TMPRSS11D: variants seen among roughly 807,000 people sequenced by gnomAD.
TMPRSS11D encodes transmembrane protease serine 11D.
A neutral mutation model predicts 44.4 loss-of-function variants in TMPRSS11D; 32 were observed. The ratio of observed to expected loss-of-function variants is 0.72; its 90% CI spans 0.54 to 0.97. TMPRSS11D has a LOEUF of 0.97. TMPRSS11D is among the 50% of genes least tolerant of loss of function. The pLI is 0.00. For missense variants in TMPRSS11D, 446 were observed against 502.6 expected, an observed-to-expected ratio of 0.89 and a Z score of 1.08; for synonymous variants, 179 against 177.9, an observed-to-expected ratio of 1.01 and a Z score of -0.05.
Position 67,822,445 on chromosome 4 carries a change from A to G in TMPRSS11D, c.1149T>C (p.Ile383=), listed in dbSNP as rs776200005. The G allele has an allele frequency of 2.5e-6, 4 of 1,613,882 alleles. No individual in the cohort carries two copies. The highest frequency in any genetic ancestry group is 3.4e-6 in the Non-Finnish European group (4 of 1,179,890). Residue 383 remains isoleucine, a synonymous_variant, in exon 10 of 10, where the codon ATT becomes ATC. Transcript: ENST00000283916. ...GATCTCCCCAGCTTACTATCCCCAC[A>G]ATAAACCAAAGCCGCCGTGAGTCTT... ...VQEDSRRLWF[I]VGIVSWGDQC... is the part of the protein sequence containing the mutation.
chr4:67,866,084 C>A (rs1216475274), intron 1 of TMPRSS11D, among the ~76,000 whole-genome samples: 1 of 151,740 alleles, frequency 6.6e-6, no homozygotes, highest in African/African-American at 2.4e-5. Context: ...ATGAACACTA[C>A]ATAAAAATCC....
At chr4:67,854,296 C>G in intron 2 of TMPRSS11D, 110 bp from the exon 3 acceptor site, 1 of 559,728 alleles carries the variant, frequency 1.8e-6, no homozygotes, top group South Asian at 2.5e-5. Flanking sequence ...AATTTGCTTT[C>G]CTTGAAAGAA....
rs373169496 is a variant in TMPRSS11D, at chr4:67,821,680, T to C, written c.*657A>G. On this transcript the variant is annotated 3_prime_UTR_variant, in exon 10 of 10. Coordinates refer to ENST00000283916, the MANE Select transcript of TMPRSS11D (RefSeq NM_004262.3). Reference sequence around the variant, plus strand: ...ATATCTATAATTCTTTGGGTCTCAGTTGAGGAGTGAACTATTTTAGCTTTT... The same window carrying C: ...ATATCTATAATTCTTTGGGTCTCAGCTGAGGAGTGAACTATTTTAGCTTTT... The C allele has an allele frequency of 3.9e-5, 6 of 152,108 alleles. No individual in the cohort carries two copies. Among genetic ancestry groups the C allele is most frequent in the African/African-American group, 1.4e-4 (6 of 41,430 alleles). 9.4% of individuals were successfully genotyped at this position (152,108 alleles called of 1,614,324 possible).
chr4:67,830,402 A>T (rs1250943657), intron 7 of TMPRSS11D, among the ~76,000 whole-genome samples: 1 of 152,080 alleles, frequency 6.6e-6, no homozygotes, highest in Non-Finnish European at 1.5e-5. Context: ...TGGAGGGCTG[A>T]TTAACTTAAC....
At chr4:67,843,729 C>G (rs968307576) in intron 3 of TMPRSS11D, among the ~76,000 whole-genome samples, 5 of 152,082 alleles carry the variant, frequency 3.3e-5, no homozygotes, top group African/African-American at 9.7e-5. Flanking sequence ...CGAGACCATC[C>G]TGGCTAACAC....
chr4:67,829,363 C>T (rs940182439), intron 7 of TMPRSS11D, among the ~76,000 whole-genome samples: 2 of 150,930 alleles, frequency 1.3e-5, no homozygotes, highest in Admixed American at 1.3e-4. Flanking sequence ...TATCGAACTC[C>T]CCTCATATAT....
intron 2 of TMPRSS11D, among the ~76,000 whole-genome samples, chr4:67,857,296 TATATATATATATATATATATATATATAC>T (rs1190599345): frequency 1.9e-4 from 1 of 5,226 alleles, no homozygotes; most frequent in African/African-American, 2.2e-4. Context: ...TATATATATA[TATATATATATATATATATATATATATAC>T]ACACACACAC....
Position 67,833,240 on chromosome 4 carries a change from T to G in TMPRSS11D, c.656A>C (p.Asn219Thr). 6.4e-7 allele frequency: 1 copy of G among 1,561,978 alleles called. No individual in the cohort carries two copies. Among genetic ancestry groups the G allele is most frequent in the African/African-American group, 1.4e-5 (1 of 72,322 alleles). Residue 219 changes from asparagine (N) to threonine (T), a missense_variant, in exon 7 of 10, where the codon AAC (asparagine) becomes ACC (threonine). Physicochemically the swap from Asn to Thr is moderately conservative, Grantham distance 65 (BLOSUM62 0). Coordinates refer to ENST00000283916, the MANE Select transcript of TMPRSS11D (RefSeq NM_004262.3). ...AHHCGGSLIN[N>T]MWILTAAHCF... ...GTGAGCTGCTGTCAGGATCCACATG[T>G]TATTGATCAGGCTGCCTCCACAGTG...
intron 1 of TMPRSS11D, among the ~76,000 whole-genome samples, chr4:67,862,586 G>A (rs895392646): frequency 1.3e-5 from 2 of 152,090 alleles, no homozygotes; most frequent in African/African-American, 4.8e-5. Context: ...AATTGAACGT[G>A]TTATGGGTGC....
rs1717651213 is a variant in TMPRSS11D at position 67,821,882 on chromosome 4, A to G, written c.*455T>C. 1 of 154,044 alleles carries G rather than the reference A, an allele frequency of 6.5e-6. No individual in the cohort carries two copies. The highest frequency in any genetic ancestry group is 6.4e-5 in the Admixed American group (1 of 15,642). 9.5% of individuals were successfully genotyped at this position (154,044 alleles called of 1,614,324 possible). On this transcript the variant is annotated 3_prime_UTR_variant, in exon 10 of 10. Transcript: ENST00000283916. The stretch of plus-strand genomic sequence containing the variant: ...AAATACATATTATTTCTCTTGCCTC[A>G]TACTGTTCTTTTTGTCTTGAATATT...
At chr4:67,881,682 C>T (rs1560552884) in intron 1 of TMPRSS11D, among the ~76,000 whole-genome samples, 1 of 152,168 alleles carries the variant, frequency 6.6e-6, no homozygotes, top group African/African-American at 2.4e-5. Context: ...ACAGCGATGG[C>T]TCGTCCCCCC....
intron 1 of TMPRSS11D, among the ~76,000 whole-genome samples, chr4:67,861,977 A>T (rs1718799976): frequency 6.6e-6 from 1 of 152,172 alleles, no homozygotes; most frequent in Admixed American, 6.6e-5. Flanking sequence ...ATTTTCATTC[A>T]TAATGCAATG....
intron 1 of TMPRSS11D, among the ~76,000 whole-genome samples, chr4:67,883,106 G>C (rs1257915115): frequency 6.6e-6 from 1 of 151,808 alleles, no homozygotes; most frequent in Non-Finnish European, 1.5e-5. Flanking sequence ...CCAATGTTCA[G>C]GAGATTTAAA....
At chr4:67,825,142 C>A (rs945192984) in intron 9 of TMPRSS11D, among the ~76,000 whole-genome samples, 5 of 151,854 alleles carry the variant, frequency 3.3e-5, no homozygotes, top group African/African-American at 1.2e-4. Context: ...ACTCAAATTA[C>A]TAGGATTTTG....
chr4:67,843,266 T>A (rs1718277589), intron 3 of TMPRSS11D, among the ~76,000 whole-genome samples: 1 of 151,986 alleles, frequency 6.6e-6, no homozygotes, highest in Non-Finnish European at 1.5e-5. Flanking sequence ...TCCTGCAGCC[T>A]CACAGGAAAG....
intron 9 of TMPRSS11D, 107 bp downstream of exon 9, chr4:67,825,625 G>C (rs879774352): frequency 7.5e-6 from 9 of 1,195,920 alleles, no homozygotes; most frequent in Admixed American, 5.4e-5. Context: ...AGAGGAACAG[G>C]GCTGTGTATT....
chr4:67,825,065 T>A (rs1015826253), intron 9 of TMPRSS11D, among the ~76,000 whole-genome samples: 1 of 152,112 alleles, frequency 6.6e-6, no homozygotes, highest in Non-Finnish European at 1.5e-5. Flanking sequence ...ATGGGCTAGA[T>A]CCAAATATAA....
intron 2 of TMPRSS11D, among the ~76,000 whole-genome samples, chr4:67,858,635 A>G (rs1718716358): frequency 6.6e-6 from 1 of 152,092 alleles, no homozygotes; most frequent in South Asian, 2.1e-4. Flanking sequence ...TATAAGTTAT[A>G]TTCTTTCTCT....
intron 3 of TMPRSS11D, among the ~76,000 whole-genome samples, chr4:67,848,141 G>T (rs1301318065): frequency 6.6e-6 from 1 of 152,134 alleles, no homozygotes; most frequent in Non-Finnish European, 1.5e-5. Flanking sequence ...TTATGGAAAT[G>T]CCATTCAATA....
Sources: allele counts gnomAD v4.1 joint callset (sites outside exome capture counted in the v4.1 genomes callset), GRCh38; gene constraint gnomAD v4.1.1; transcripts MANE v1.5; gene names NCBI Gene and HGNC (gene_info 2026-07-23, HGNC 2026-07-21).